PSME3: variants seen among roughly 807,000 people sequenced by gnomAD.
The protein encoded by PSME3 is proteasome activator complex subunit 3.
A neutral mutation model predicts 38.3 loss-of-function variants in PSME3; 7 were observed. The observed-to-expected ratio is 0.18, with a 90% CI of 0.10 to 0.34. PSME3 has a LOEUF of 0.34. Among genes scored for constraint, PSME3 ranks in the 10% least tolerant of loss-of-function variants. PSME3 has a pLI of 1.00. For missense variants in PSME3, 192 were observed against 307.6 expected (o/e 0.62, Z 2.81); for synonymous variants, 108 against 105.7 (o/e 1.02, Z -0.13).
intron 4 of PSME3, among the ~76,000 whole-genome samples, chr17:42,837,307 T>C (rs2055474906): frequency 6.6e-6 from 1 of 152,062 alleles, no homozygotes; most frequent in Admixed American, 6.6e-5. Context: ...CCTTGGCCTC[T>C]TAAAGTGCTG....
Position 42,833,507 on chromosome 17 carries a change from T to C in PSME3, c.-125T>C. 1 of 1,205,442 alleles carries C rather than the reference T, an allele frequency of 8.3e-7. No individual in the cohort carries two copies. The highest frequency in any genetic ancestry group is 1.2e-6 in the Non-Finnish European group (1 of 834,418). The allele number at this position is 1,205,442 out of a possible 1,614,324, so 74.7% of individuals were successfully genotyped here. A position where few individuals can be genotyped will look rare whatever the true frequency, so the allele number is the denominator to read the frequency against. ...ACAGAGGGAGGGAGCGAGCGAGCAG[T>C]GAGTAAGCCAGCAAGGGCGGTCGGG... On this transcript the variant is annotated 5_prime_UTR_variant, in exon 1 of 11. Coordinates refer to ENST00000590720, the MANE Select transcript of PSME3 (RefSeq NM_005789.4).
Position 42,841,530 on chromosome 17 carries a change from C to T in PSME3, c.717C>T (p.Ile239=), listed in dbSNP as rs202070240. ...VTLHDMILKN[I]EKIKRPRSSN... is the part of the protein sequence containing the mutation. ...TACATGACATGATCCTGAAAAATAT[C>T]GAGAAGATCAAACGGCCCCGGAGCA... Residue 239 remains isoleucine (I), a synonymous_variant, in exon 11 of 11, where the codon ATC becomes ATT. Coordinates refer to ENST00000590720, the MANE Select transcript of PSME3 (RefSeq NM_005789.4). 8.7e-6 allele frequency: 14 copies of T among 1,609,670 alleles called. No homozygotes were observed. The highest frequency in any genetic ancestry group is 3.3e-4 in the Middle Eastern group (2 of 6,050).
In PSME3 at chr17:42,834,505, T is replaced by C. The variant is rs1167073460; in HGVS notation, c.76-10T>C. The C allele has an allele frequency of 1.9e-6, 3 of 1,612,854 alleles. No homozygotes were observed. In the African/African-American group the frequency reaches 4.0e-5, roughly 22 times the overall value. Reference sequence around the variant, plus strand: ...GATATTAATTCAGCTGTATTTTCCCTCTTCCTTAGGCAGAAGACTTGGTGG... The same window carrying C: ...GATATTAATTCAGCTGTATTTTCCCCCTTCCTTAGGCAGAAGACTTGGTGG... On this transcript the variant is annotated splice_polypyrimidine_tract_variant and intron_variant, in intron 2 of 10. Transcript: ENST00000590720.
intron 8 of PSME3, 33 bp from the exon 9 acceptor site, chr17:42,839,079 C>G: frequency 1.3e-6 from 2 of 1,590,306 alleles, no homozygotes; most frequent in Non-Finnish European, 1.7e-6. Flanking sequence ...TCAAGGGTCT[C>G]CTGCATCTTC....
Position 42,834,870 on chromosome 17 carries a change from G to A in PSME3, c.237G>A (p.Leu79=), listed in dbSNP as rs2055443135. Residue 79 remains leucine, a synonymous_variant, in exon 4 of 11, where the codon CTG becomes CTA. Transcript: ENST00000590720. The part of the protein sequence containing the change: ...PILLTNSHDG[L]DGPTYKKRRL... The stretch of plus-strand genomic sequence containing the variant: ...TTCTCACCAATAGCCATGATGGACT[G>A]GATGGTGTAAGTGTCCTATATTTAT... 1.2e-6 allele frequency: 2 copies of A among 1,613,722 alleles called. No homozygotes were observed. Among genetic ancestry groups the A allele is most frequent in the Non-Finnish European group, 1.7e-6 (2 of 1,179,896 alleles).
intron 1 of PSME3, 140 bp from the exon 2 acceptor site, chr17:42,834,204 A>G: frequency 1.3e-6 from 2 of 1,547,368 alleles, no homozygotes; most frequent in Non-Finnish European, 1.7e-6. Flanking sequence ...ATCCTCAAAA[A>G]AATAAAGTAT....
At chr17:42,834,655 ATTC>A (rs375739850) in intron 3 of PSME3, 78 bp downstream of exon 3, 66 of 1,599,802 alleles carry the variant, frequency 4.1e-5, no homozygotes, top group South Asian at 1.8e-4. Flanking sequence ...TAAACTGTTG[ATTC>A]TTCTTCTTTT....
Position 42,834,484 on chromosome 17 carries a change from T to C in PSME3, c.76-31T>C, listed in dbSNP as rs371897087. On this transcript the variant is annotated intron_variant, in intron 2 of 10. Transcript: ENST00000590720. ...AGAGAGAGAGACCTTCCCACAGATA[T>C]TAATTCAGCTGTATTTTCCCTCTTC... is the stretch of plus-strand genomic sequence containing the variant. 47 of 1,607,522 alleles carry C rather than the reference T, an allele frequency of 2.9e-5. No homozygotes were observed. In the African/African-American group the frequency reaches 4.4e-4, roughly 15 times the overall value.
At chr17:42,833,730 C>T in intron 1 of PSME3, 57 bp downstream of exon 1, 4 of 1,614,096 alleles carry the variant, frequency 2.5e-6, no homozygotes, top group Non-Finnish European at 3.4e-6. Context: ...GCAGTCTGAC[C>T]GGCTTCCTAC....
rs2055542122 is a variant in PSME3 at position 42,842,145 on chromosome 17, T to C, written c.*567T>C. 6.6e-6 allele frequency: 1 copy of C among 152,532 alleles called. No homozygotes were observed. The highest frequency in any genetic ancestry group is 1.5e-5 in the Non-Finnish European group (1 of 68,170). 9.4% of individuals were successfully genotyped at this position (152,532 alleles called of 1,614,324 possible). A position where few individuals can be genotyped will look rare whatever the true frequency, so the allele number is the denominator to read the frequency against. On this transcript the variant is annotated 3_prime_UTR_variant, in exon 11 of 11. Coordinates refer to ENST00000590720, the MANE Select transcript of PSME3 (RefSeq NM_005789.4). The stretch of plus-strand genomic sequence containing the variant: ...ATCTTGATCGTGACAAGAAATACCT[T>C]AGGCCTTCAGTCAATTCCGAAGCTC...
chr17:42,842,163 C>T lies in PSME3; in HGVS notation c.*585C>T, dbSNP rs569140939. 4 of 152,540 alleles carry T rather than the reference C, an allele frequency of 2.6e-5. No individual in the cohort carries two copies. The highest frequency in any genetic ancestry group is 1.9e-4 in the East Asian group (1 of 5,320). The allele number at this position is 152,540 out of a possible 1,614,324, so 9.4% of individuals were successfully genotyped here. On this transcript the variant is annotated 3_prime_UTR_variant, in exon 11 of 11. Transcript: ENST00000590720. Reference sequence around the variant, plus strand: ...AATACCTTAGGCCTTCAGTCAATTCCGAAGCTCCTTCAGTTGTTTTTATAA... The same window carrying T: ...AATACCTTAGGCCTTCAGTCAATTCTGAAGCTCCTTCAGTTGTTTTTATAA...
At chr17:42,838,562 C>T (rs1387670785) in intron 6 of PSME3, 169 bp from the exon 7 acceptor site, 1 of 715,840 alleles carries the variant, frequency 1.4e-6, no homozygotes, top group Non-Finnish European at 2.3e-6. Flanking sequence ...AGGTGATCCA[C>T]CCGCTTCGGG....
chr17:42,834,270 A>G (rs531610139), intron 1 of PSME3, 74 bp from the exon 2 acceptor site: 13 of 1,609,900 alleles, frequency 8.1e-6, no homozygotes, highest in Non-Finnish European at 1.1e-5. Context: ...AGGGAAAGAC[A>G]GTTGGATTGG....
Position 42,843,591 on chromosome 17 carries a change from G to T in PSME3, c.*2013G>T, listed in dbSNP as rs1314330761. 1.3e-5 allele frequency: 2 copies of T among 152,332 alleles called. No individual in the cohort carries two copies. The highest frequency in any genetic ancestry group is 2.4e-5 in the African/African-American group (1 of 41,440). 9.4% of individuals were successfully genotyped at this position (152,332 alleles called of 1,614,324 possible). On this transcript the variant is annotated 3_prime_UTR_variant, in exon 11 of 11. Transcript: ENST00000590720. ...CGTTCCATGTGTAAGGAATGAACTG[G>T]TTCAAGGCGCGTCCTACCCAGTCAT...
rs532002704 is a variant in PSME3, at chr17:42,843,719, A to G, written c.*2141A>G. The G allele has an allele frequency of 7.2e-5, 11 of 152,470 alleles. No homozygotes were observed. Among genetic ancestry groups the G allele is most frequent in the Middle Eastern group, 3.4e-3 (1 of 294 alleles). The allele number at this position is 152,470 out of a possible 1,614,324, so 9.4% of individuals were successfully genotyped here. On this transcript the variant is annotated 3_prime_UTR_variant, in exon 11 of 11. Coordinates refer to ENST00000590720, the MANE Select transcript of PSME3 (RefSeq NM_005789.4). Reference sequence around the variant, plus strand: ...TACTTGGAGGGCTGCCTAGGAATCTATCTCCCTCTGAAATAAAGTTTCCTC... The same window carrying G: ...TACTTGGAGGGCTGCCTAGGAATCTGTCTCCCTCTGAAATAAAGTTTCCTC...
rs1013024210 is a variant in PSME3, at chr17:42,834,523, C to G, written c.84C>G (p.Asp28Glu). Residue 28 changes from aspartate (D) to glutamate (E), a missense_variant, in exon 3 of 11, where the codon GAC becomes GAG. Asp to Glu is a conservative substitution (Grantham distance 45). Coordinates refer to ENST00000590720, the MANE Select transcript of PSME3 (RefSeq NM_005789.4). Reference protein sequence around the residue: ...FRERITSEAEDLVANFFPKKL... With the variant: ...FRERITSEAEELVANFFPKKL... ...TTTTCCCTCTTCCTTAGGCAGAAGACTTGGTGGCAAATTTTTTCCCAAAGA... is the reference window on the plus strand; with the variant it reads ...TTTTCCCTCTTCCTTAGGCAGAAGAGTTGGTGGCAAATTTTTTCCCAAAGA... 16 of 1,613,580 alleles carry G rather than the reference C, an allele frequency of 9.9e-6. No individual in the cohort carries two copies. The highest frequency in any genetic ancestry group is 1.4e-5 in the Non-Finnish European group (16 of 1,179,704).
chr17:42,838,163 AGT>A lies in PSME3; in HGVS notation c.365_366del (p.Val122GlufsTer3). Reference protein sequence around the residue: ...NQQLVDIIEKVKPEIRLLIEK... With the variant: ...NQQLVDIIEKXKPEIRLLIEK... ...AGCAGCTGGTGGACATTATTGAGAA[AGT>A]GAAACCTGAGATCCGGCTGTTGATT... On this transcript the variant is annotated frameshift_variant, in exon 6 of 11. Transcript: ENST00000590720. LOFTEE classifies it high-confidence loss of function. 1 of 1,614,156 alleles carries A rather than the reference AGT, an allele frequency of 6.2e-7. No homozygotes were observed.
chr17:42,834,096 A>C, intron 1 of PSME3: 1 of 1,447,584 alleles, frequency 6.9e-7, no homozygotes, highest in South Asian at 1.5e-5. Flanking sequence ...AAATTCAGAC[A>C]GCTTCAGACA....
intron 4 of PSME3, among the ~76,000 whole-genome samples, chr17:42,836,888 T>TC (rs2144247716): frequency 6.6e-6 from 1 of 151,220 alleles, no homozygotes; most frequent in Admixed American, 6.6e-5. Context: ...ATTTCCTTTT[T>TC]TTTTTTTTTG....
Sources: allele counts gnomAD v4.1 joint callset (sites outside exome capture counted in the v4.1 genomes callset), GRCh38; gene constraint gnomAD v4.1.1; transcripts MANE v1.5; gene names NCBI Gene and HGNC (gene_info 2026-07-23, HGNC 2026-07-21).